The following EYS variants were observed in gnomAD, a reference collection of about 807,000 sequenced individuals.
EYS encodes the protein protein eyes shut homolog.
In EYS, 250 loss-of-function variants were observed where a neutral mutation model predicts 282.1. The ratio of observed to expected loss-of-function variants is 0.89; its 90% CI spans 0.80 to 0.98. The LOEUF (loss-of-function observed/expected upper bound fraction) is 0.98. EYS is among the 50% of genes least tolerant of loss of function. The pLI is 0.00. For synonymous variants in EYS, 1,355 were observed against 1,282.9 expected, an observed-to-expected ratio of 1.06 and a Z score of -1.20; for missense variants, 4,016 against 3,709.0, an observed-to-expected ratio of 1.08 and a Z score of -2.15.
At chr6:64,732,825 T>C (rs1282160836) in intron 22 of EYS, among the ~76,000 whole-genome samples, 1 of 152,112 alleles carries the variant, frequency 6.6e-6, no homozygotes, top group African/African-American at 2.4e-5. Flanking sequence ...AAAACACAAA[T>C]CACAACTGCC....
chr6:64,358,588 G>A (rs1771907728), intron 29 of EYS, among the ~76,000 whole-genome samples: 1 of 151,592 alleles, frequency 6.6e-6, no homozygotes, highest in Non-Finnish European at 1.5e-5. Flanking sequence ...GAGGATTGCA[G>A]TGCCTTTGCT....
intron 5 of EYS, among the ~76,000 whole-genome samples, chr6:65,485,203 A>G (rs1319322492): frequency 6.6e-6 from 1 of 152,182 alleles, no homozygotes; most frequent in Admixed American, 6.6e-5. Flanking sequence ...CCACTGTAGG[A>G]TATTAGTGAC....
chr6:65,496,369 A>G (rs1425076323), intron 2 of EYS, among the ~76,000 whole-genome samples: 6 of 152,126 alleles, frequency 3.9e-5, no homozygotes, highest in African/African-American at 1.2e-4. Flanking sequence ...AGTTTAATAT[A>G]TTGACCTATT....
chr6:65,639,583 A>T (rs994377017), intron 2 of EYS, among the ~76,000 whole-genome samples, 195 bp downstream of exon 2: 9 of 152,168 alleles, frequency 5.9e-5, no homozygotes, highest in African/African-American at 2.2e-4. Context: ...CTTTTAGCGG[A>T]TCTAAAGTGA....
chr6:64,718,821 A>T (rs1208804615), intron 22 of EYS, among the ~76,000 whole-genome samples: 1 of 152,216 alleles, frequency 6.6e-6, no homozygotes. Context: ...CATGTTAGAT[A>T]TTGTGATAAG....
At chr6:63,887,071 C>T (rs1175962404) in intron 35 of EYS, among the ~76,000 whole-genome samples, 3 of 152,106 alleles carry the variant, frequency 2.0e-5, no homozygotes, top group African/African-American at 7.2e-5. Context: ...AGCATGCAAA[C>T]AGTTGACCTA....
chr6:64,697,711 A>G (rs1275096467), intron 22 of EYS, among the ~76,000 whole-genome samples: 1 of 152,142 alleles, frequency 6.6e-6, no homozygotes, highest in African/African-American at 2.4e-5. Context: ...TGGGTGGCTG[A>G]GGCAGGTGGA....
At chr6:64,074,174 C>T (rs960451995) in intron 32 of EYS, among the ~76,000 whole-genome samples, 3 of 151,414 alleles carry the variant, frequency 2.0e-5, no homozygotes, top group African/African-American at 7.3e-5. Context: ...AAATGATTGT[C>T]TGCTAATTTA....
At chr6:64,811,962 A>C (rs1764609454) in intron 22 of EYS, among the ~76,000 whole-genome samples, 1 of 152,116 alleles carries the variant, frequency 6.6e-6, no homozygotes, top group Non-Finnish European at 1.5e-5. Context: ...TTTGATAATC[A>C]ATTTTTTTAT....
At chr6:65,115,227 T>C (rs1775331526) in intron 12 of EYS, among the ~76,000 whole-genome samples, 1 of 152,114 alleles carries the variant, frequency 6.6e-6, no homozygotes. Flanking sequence ...AATGAATTTC[T>C]ATCAAATATA....
intron 33 of EYS, among the ~76,000 whole-genome samples, chr6:64,025,061 A>G (rs1464838945): frequency 6.6e-6 from 1 of 152,128 alleles, no homozygotes; most frequent in East Asian, 1.9e-4. Flanking sequence ...AGCAGTGAGT[A>G]CCATCAGACG....
chr6:63,814,023 C>G lies in EYS; in HGVS notation c.7229-7651G>C, dbSNP rs1455259282. On this transcript the variant is annotated intron_variant, in intron 36 of 42. Coordinates refer to ENST00000503581, the MANE Select transcript of EYS (RefSeq NM_001142800.2). Reference sequence around the variant, plus strand: ...TTGAGTATACACGTCTTTCCTCTGTCTTTGTTCTTAACTTCTTAGTAACAC... The same window carrying G: ...TTGAGTATACACGTCTTTCCTCTGTGTTTGTTCTTAACTTCTTAGTAACAC... Among the ~76,000 whole-genome samples the G allele has an allele frequency of 2.6e-5, 4 of 152,180 alleles. No individual in the cohort carries two copies. In the South Asian group the frequency reaches 6.2e-4, roughly 24 times the overall value.
At chr6:63,955,109 G>A (rs1378067078) in intron 35 of EYS, among the ~76,000 whole-genome samples, 4 of 152,048 alleles carry the variant, frequency 2.6e-5, no homozygotes, top group Non-Finnish European at 5.9e-5. Context: ...ATGAGTAGAG[G>A]CCTTTCCCAC....
intron 26 of EYS, among the ~76,000 whole-genome samples, chr6:64,548,114 T>A (rs1420900226): frequency 6.6e-6 from 1 of 152,154 alleles, no homozygotes; most frequent in Non-Finnish European, 1.5e-5. Context: ...GCTCCCACCA[T>A]GCAGCAGAGG....
chr6:64,159,482 C>T (rs983377316), intron 31 of EYS, among the ~76,000 whole-genome samples: 1 of 146,136 alleles, frequency 6.8e-6, no homozygotes, highest in Non-Finnish European at 1.5e-5. Flanking sequence ...ATGGCGTGAA[C>T]CCGGGAGGCG....
chr6:64,612,223 C>G (rs1314062499), intron 24 of EYS, among the ~76,000 whole-genome samples: 1 of 152,020 alleles, frequency 6.6e-6, no homozygotes, highest in African/African-American at 2.4e-5. Context: ...AATACAAATA[C>G]AGCTTCCACA....
At position 65,331,782 on chromosome 6, in the gene EYS, C is replaced by T. The variant is rs1326992148; in HGVS notation, c.1766+3198G>A. ...GTGTCTTTTGTGGCTTACTACTTTT[C>T]CTTATCAAAATGTTTTCAATGTTTA... On this transcript the variant is annotated intron_variant, in intron 11 of 42. Transcript: ENST00000503581. The T allele has an allele frequency of 5.4e-6, 5 of 927,444 alleles. No individual in the cohort carries two copies. In the East Asian group the frequency reaches 3.5e-4, roughly 65 times the overall value. 57.5% of individuals were successfully genotyped at this position (927,444 alleles called of 1,614,324 possible).
intron 1 of EYS, among the ~76,000 whole-genome samples, chr6:65,665,274 G>A (rs1768156660): frequency 6.6e-6 from 1 of 152,102 alleles, no homozygotes; most frequent in Non-Finnish European, 1.5e-5. Context: ...GCTATGAGAT[G>A]TTCTTAAATC....
Position 64,166,323 on chromosome 6 carries a change from AAAG to A in EYS, c.6424+64266_6424+64268del, listed in dbSNP as rs534938884. Among the ~76,000 whole-genome samples the A allele has an allele frequency of 3.8e-4, 58 of 152,330 alleles. No homozygotes were observed. In the South Asian group the frequency reaches 4.8e-3, roughly 13 times the overall value. Reference sequence around the variant, plus strand: ...GCTTGCAATTTTGACTCAACATTTTAAAGAAGATGCTTCCAGCCTGCTAGGTTA... The same window carrying A: ...GCTTGCAATTTTGACTCAACATTTTAAAGATGCTTCCAGCCTGCTAGGTTA... On this transcript the variant is annotated intron_variant, in intron 31 of 42. Coordinates refer to ENST00000503581, the MANE Select transcript of EYS (RefSeq NM_001142800.2).
Sources: allele counts gnomAD v4.1 joint callset (sites outside exome capture counted in the v4.1 genomes callset), GRCh38; gene constraint gnomAD v4.1.1; transcripts MANE v1.5; gene names NCBI Gene and HGNC (gene_info 2026-07-23, HGNC 2026-07-21).